The following GABRG3 variants were observed in gnomAD, a reference collection of about 807,000 sequenced individuals.
GABRG3 encodes gamma-aminobutyric acid receptor subunit gamma-3.
A neutral mutation model predicts 48.8 loss-of-function variants in GABRG3; 25 were observed. The ratio of observed to expected loss-of-function variants is 0.51; its 90% confidence interval spans 0.37 to 0.72. GABRG3 has a LOEUF of 0.72. GABRG3 is among the 30% of genes least tolerant of loss of function. GABRG3 has a pLI of 0.00. For missense variants in GABRG3, 394 were observed against 577.9 expected, an observed-to-expected ratio of 0.68 and a Z score of 3.26; for synonymous variants, 227 against 217.6, an observed-to-expected ratio of 1.04 and a Z score of -0.38.
Position 27,284,048 on chromosome 15 carries a change from G to T in GABRG3, c.271-42761G>T, listed in dbSNP as rs533446911. ...CTCATCTGTAACCTGGGGTGCAAGG[G>T]GGGAGGCAGAGTACAGGCTCTGTAA... On this transcript the variant is annotated intron_variant, in intron 3 of 9. Coordinates refer to ENST00000615808, the MANE Select transcript of GABRG3 (RefSeq NM_033223.5). Among the ~76,000 whole-genome samples, 4 of 152,198 alleles carry T rather than the reference G, an allele frequency of 2.6e-5. No homozygotes were observed. The South Asian group carries it at 8.3e-4, about 32-fold the overall frequency.
chr15:27,406,277 T>C (rs1458636478), intron 5 of GABRG3, among the ~76,000 whole-genome samples: 2 of 152,300 alleles, frequency 1.3e-5, no homozygotes, highest in Non-Finnish European at 2.9e-5. Flanking sequence ...TTTCTGTAGA[T>C]ACTTCTTGCT....
intron 3 of GABRG3, among the ~76,000 whole-genome samples, chr15:27,264,497 T>C (rs2140469035): frequency 6.6e-6 from 1 of 152,140 alleles, no homozygotes; most frequent in Non-Finnish European, 1.5e-5. Context: ...TCTACTTTCT[T>C]TTCTCTTAAA....
chr15:27,179,269 C>G lies in GABRG3; in HGVS notation c.271-147540C>G, dbSNP rs1386287699. 6.6e-6 allele frequency among the ~76,000 whole-genome samples: 1 copy of G among 152,188 alleles called. No homozygotes were observed. The highest frequency in any genetic ancestry group is 1.9e-4 in the East Asian group (1 of 5,192). ...GCCATTTCAAACATGCCCCGCGTGG[C>G]AATCCACCTTCCCCTCAGGAGCAGC... On this transcript the variant is annotated intron_variant, in intron 3 of 9. Coordinates refer to ENST00000615808, the MANE Select transcript of GABRG3 (RefSeq NM_033223.5). This position sits in a 1 kb window ranked among gnomAD's most constrained non-coding sequence, Gnocchi z 4.0.
At chr15:27,465,330 A>G (rs1159676803) in intron 5 of GABRG3, among the ~76,000 whole-genome samples, 1 of 146,764 alleles carries the variant, frequency 6.8e-6, no homozygotes, top group Non-Finnish European at 1.5e-5. Context: ...GAAAAATTAC[A>G]TGAAAATGGA....
intron 6 of GABRG3, among the ~76,000 whole-genome samples, chr15:27,519,238 G>A (rs893248863): frequency 5.3e-5 from 8 of 152,070 alleles, no homozygotes; most frequent in African/African-American, 1.9e-4. Context: ...CAATGGAGAT[G>A]CTTTGGGGAG....
chr15:27,125,238 T>G (rs1178899098), intron 3 of GABRG3, among the ~76,000 whole-genome samples: 1 of 152,144 alleles, frequency 6.6e-6, no homozygotes, highest in African/African-American at 2.4e-5. Flanking sequence ...AGAAATAGTG[T>G]TGTCACAGAA....
intron 3 of GABRG3, among the ~76,000 whole-genome samples, chr15:27,166,762 A>G (rs533772211): frequency 6.6e-6 from 1 of 152,266 alleles, no homozygotes; most frequent in South Asian, 2.1e-4. Context: ...TAAAATCACA[A>G]TTTTACCCAG....
chr15:27,481,109 C>A (rs577949746), intron 6 of GABRG3: 79 of 1,113,536 alleles, frequency 7.1e-5, no homozygotes, highest in Non-Finnish European at 8.5e-5. Context: ...CAAATTTCCA[C>A]GTACATAAGA....
chr15:27,162,458 A>G (rs1440914473), intron 3 of GABRG3, among the ~76,000 whole-genome samples: 1 of 152,180 alleles, frequency 6.6e-6, no homozygotes, highest in Non-Finnish European at 1.5e-5. Flanking sequence ...TCCCTGTGCC[A>G]CTGGCCACTG....
At chr15:27,058,416 A>T (rs1006968654) in intron 3 of GABRG3, among the ~76,000 whole-genome samples, 1 of 152,192 alleles carries the variant, frequency 6.6e-6, no homozygotes, top group Non-Finnish European at 1.5e-5. Context: ...GGAGGCGTCC[A>T]TTAGGGCCAC....
At chr15:27,268,073 T>A (rs1207020764) in intron 3 of GABRG3, among the ~76,000 whole-genome samples, 1 of 152,218 alleles carries the variant, frequency 6.6e-6, no homozygotes, top group Non-Finnish European at 1.5e-5. Context: ...TGGGATGTAG[T>A]CCCTCCTTTG....
At chr15:27,262,926 A>C (rs1322418887) in intron 3 of GABRG3, among the ~76,000 whole-genome samples, 1 of 152,226 alleles carries the variant, frequency 6.6e-6, no homozygotes, top group East Asian at 1.9e-4. Flanking sequence ...CAAGAGAGAA[A>C]CACATATTTT....
At chr15:27,156,583 G>A (rs1257700722) in intron 3 of GABRG3, among the ~76,000 whole-genome samples, 1 of 152,126 alleles carries the variant, frequency 6.6e-6, no homozygotes, top group African/African-American at 2.4e-5. Context: ...TGTTTTACAT[G>A]TAATATCCAG....
rs941306956 is a variant in GABRG3 at position 27,410,344 on chromosome 15, T to G, written c.575-70306T>G. Among the ~76,000 whole-genome samples, 8 of 152,298 alleles carry G rather than the reference T, an allele frequency of 5.3e-5. No individual in the cohort carries two copies. The East Asian group carries it at 7.7e-4, about 15-fold the overall frequency. On this transcript the variant is annotated intron_variant, in intron 5 of 9. Coordinates refer to ENST00000615808, the MANE Select transcript of GABRG3 (RefSeq NM_033223.5). The stretch of plus-strand genomic sequence containing the variant: ...TTTCATCTCAATTTATAAAAGATAC[T>G]ATAGTTTTTTTGTACTTTTTTAGTT...
chr15:27,310,172 G>T (rs1373380883), intron 3 of GABRG3, among the ~76,000 whole-genome samples: 3 of 152,048 alleles, frequency 2.0e-5, no homozygotes, highest in African/African-American at 7.2e-5. Flanking sequence ...GTTGGCAGCA[G>T]TTATGGGTAG....
At chr15:27,170,221 T>C (rs1318998725) in intron 3 of GABRG3, among the ~76,000 whole-genome samples, 1 of 152,100 alleles carries the variant, frequency 6.6e-6, no homozygotes, top group Non-Finnish European at 1.5e-5. Context: ...AAAGCAAAAA[T>C]AGTTGAGTTT....
chr15:27,224,737 C>T (rs977818220), intron 3 of GABRG3, among the ~76,000 whole-genome samples: 1 of 152,216 alleles, frequency 6.6e-6, no homozygotes, highest in Non-Finnish European at 1.5e-5. Flanking sequence ...TGATTATTTT[C>T]ACATCCCTGC....
At chr15:26,999,749 A>G (rs1895409661) in intron 2 of GABRG3, among the ~76,000 whole-genome samples, 1 of 151,994 alleles carries the variant, frequency 6.6e-6, no homozygotes, top group African/African-American at 2.4e-5. Flanking sequence ...CCAATTGCAC[A>G]TATTTTGTGG....
intron 5 of GABRG3, among the ~76,000 whole-genome samples, chr15:27,425,530 C>G (rs111451670): frequency 0.044 from 6,727 of 151,464 alleles, 171 homozygotes; most frequent in Middle Eastern, 0.11. Flanking sequence ...AGAATGATGT[C>G]AACCCTGGAG....
Sources: gnomAD v4.1 joint callset for allele counts (sites outside exome capture counted in the v4.1 genomes callset) on GRCh38, gnomAD v4.1.1 for gene constraint, Gnocchi (gnomAD v3.1) non-coding constraint, MANE v1.5 for transcripts, NCBI Gene and HGNC (gene_info 2026-07-23, HGNC 2026-07-21) for gene names.